Variants in MYOM2 observed in about 807,000 individuals in gnomAD.
MYOM2 encodes the protein myomesin-2.
Under a neutral mutation model 187.6 loss-of-function variants are expected in MYOM2, and 254 were observed. That is an observed-to-expected ratio of 1.35 (90% confidence interval 1.22 to 1.50). The LOEUF (loss-of-function observed/expected upper bound fraction) is 1.50, where lower values mean the gene tolerates loss of function less well. Among genes scored for constraint, MYOM2 ranks in the 40% most tolerant of loss-of-function variants. MYOM2 has a pLI of 0.00. For missense variants in MYOM2, 2,796 were observed against 1,924.0 expected (o/e 1.45, Z -8.48); for synonymous variants, 981 against 753.8 (o/e 1.30, Z -4.94).
chr8:2,109,493 C>A lies in MYOM2; in HGVS notation c.3142C>A (p.Arg1048=). 2 of 1,613,186 alleles carry A rather than the reference C, an allele frequency of 1.2e-6. No homozygotes were observed. The highest frequency in any genetic ancestry group is 1.7e-6 in the Non-Finnish European group (2 of 1,179,572). Reference sequence around the variant, plus strand: ...GCACTTATCACCAGATGCCAGCTACCGATTTATTATTAACGACAGAGAAGT... The same window carrying A: ...GCACTTATCACCAGATGCCAGCTACAGATTTATTATTAACGACAGAGAAGT... The part of the protein sequence containing the change: ...AEHLSPDASY[R]FIINDREVSD... The change falls in exon 25 of 37, where the codon CGA becomes AGA. Residue 1048 remains arginine, a synonymous_variant. Transcript: ENST00000262113.
At chr8:2,138,838 A>G (rs1798172970) in intron 32 of MYOM2, among the ~76,000 whole-genome samples, 2 of 152,126 alleles carry the variant, frequency 1.3e-5, no homozygotes, top group South Asian at 4.1e-4. Flanking sequence ...GGTGAAGCCA[A>G]TCCCACAAAA....
At chr8:2,069,633 G>C in intron 8 of MYOM2, 136 bp downstream of exon 8, 3 of 1,039,156 alleles carry the variant, frequency 2.9e-6, no homozygotes, top group Non-Finnish European at 4.4e-6. Flanking sequence ...CCAGGCTGGA[G>C]TGCAGTGGTG....
intron 10 of MYOM2, among the ~76,000 whole-genome samples, chr8:2,074,749 G>A (rs1257993117): frequency 2.0e-5 from 3 of 152,156 alleles, no homozygotes; most frequent in African/African-American, 4.8e-5. Flanking sequence ...GAGCCACCGC[G>A]CCCGGCCCCA....
In MYOM2 at chr8:2,096,268, G is replaced by C. The variant is rs747830355; in HGVS notation, c.2147G>C (p.Gly716Ala). ...GCAGCCGTCCCGTCCCATCCTTATG[G>C]GATTACGCTCCTCAACTGTGACGGC... ...AALTVPSHPY[G>A]ITLLNCDGHS... Residue 716 changes from glycine (G) to alanine (A), a missense_variant, in exon 18 of 37, where the codon GGG (glycine) becomes GCG (alanine). By Grantham distance (60) the Gly-to-Ala change is moderately conservative. Transcript: ENST00000262113. The C allele has an allele frequency of 5.6e-6, 9 of 1,614,088 alleles. No individual in the cohort carries two copies. The highest frequency in any genetic ancestry group is 1.1e-5 in the South Asian group (1 of 91,068).
intron 10 of MYOM2, 85 bp from the exon 11 acceptor site, chr8:2,076,056 G>T: frequency 7.6e-7 from 1 of 1,318,580 alleles, no homozygotes; most frequent in Non-Finnish European, 1.0e-6. Context: ...GGATAGAATT[G>T]GAGCTTGGAG....
rs529178385 is a variant in MYOM2, at chr8:2,106,346, T to C, written c.2839T>C (p.Tyr947His). 9 of 1,614,172 alleles carry C rather than the reference T, an allele frequency of 5.6e-6. No homozygotes were observed. The African/African-American group carries it at 6.7e-5, about 12-fold the overall frequency. ...DASQFTWCKS[Y>H]EEISDDERFK... ...GTCTCAGTTCACCTGGTGTAAATCCTACGAGGAGATTTCAGATGATGAGAG... is the reference window on the plus strand; with the variant it reads ...GTCTCAGTTCACCTGGTGTAAATCCCACGAGGAGATTTCAGATGATGAGAG... The change falls in exon 22 of 37, where the codon TAC becomes CAC. Residue 947 changes from tyrosine to histidine, a missense_variant. By Grantham distance (83) the Tyr-to-His change is moderately conservative. Coordinates refer to ENST00000262113, the MANE Select transcript of MYOM2 (RefSeq NM_003970.4).
At chr8:2,072,531 C>G (rs1426698913) in intron 9 of MYOM2, 22 bp downstream of exon 9, 2 of 1,604,096 alleles carry the variant, frequency 1.2e-6, no homozygotes, top group Non-Finnish European at 1.7e-6. Context: ...ACGGCCCAGA[C>G]CCGGGCACAC....
intron 3 of MYOM2, among the ~76,000 whole-genome samples, chr8:2,056,922 C>T (rs1015156168): frequency 9.9e-5 from 15 of 152,164 alleles, no homozygotes; most frequent in African/African-American, 3.6e-4. Flanking sequence ...TCTGTGCACA[C>T]GAAGATGAGT....
chr8:2,066,501 A>G (rs1387478468), intron 6 of MYOM2, among the ~76,000 whole-genome samples: 1 of 152,162 alleles, frequency 6.6e-6, no homozygotes, highest in Non-Finnish European at 1.5e-5. Flanking sequence ...AAAGAAGAAT[A>G]TATTTGGGTT....
chr8:2,051,012 T>C, intron 2 of MYOM2, 139 bp downstream of exon 2: 1 of 656,706 alleles, frequency 1.5e-6, no homozygotes, highest in Non-Finnish European at 2.7e-6. Flanking sequence ...GCCTCTCCCG[T>C]GCCCAGGTCC....
intron 32 of MYOM2, among the ~76,000 whole-genome samples, chr8:2,140,019 C>T (rs991378036): frequency 3.3e-5 from 5 of 152,130 alleles, no homozygotes; most frequent in Non-Finnish European, 1.5e-5. Context: ...CCACCCAGGA[C>T]CTTTTCATCC....
chr8:2,084,679 A>C (rs2116696340), intron 13 of MYOM2, among the ~76,000 whole-genome samples: 1 of 152,340 alleles, frequency 6.6e-6, no homozygotes, highest in Non-Finnish European at 1.5e-5. Flanking sequence ...TTATTTGCAA[A>C]AGGCTTATCA....
intron 25 of MYOM2, among the ~76,000 whole-genome samples, chr8:2,115,595 T>A (rs1354439901): frequency 6.6e-6 from 1 of 152,196 alleles, no homozygotes; most frequent in African/African-American, 2.4e-5. Flanking sequence ...CCATGTGGGA[T>A]TTTTGTCATC....
At chr8:2,068,212 C>T (rs917054644) in intron 6 of MYOM2, among the ~76,000 whole-genome samples, 2 of 151,668 alleles carry the variant, frequency 1.3e-5, no homozygotes, top group South Asian at 4.2e-4. Flanking sequence ...GACAGCTCTT[C>T]AATGCCTGTG....
At chr8:2,080,099 T>C (rs1819569276) in intron 13 of MYOM2, among the ~76,000 whole-genome samples, 1 of 152,252 alleles carries the variant, frequency 6.6e-6, no homozygotes, top group Non-Finnish European at 1.5e-5. Flanking sequence ...ATATTTCTTC[T>C]TCCTGATTTT....
intron 17 of MYOM2, among the ~76,000 whole-genome samples, 154 bp downstream of exon 17, chr8:2,094,245 G>A (rs763593053): frequency 2.6e-5 from 4 of 152,330 alleles, no homozygotes; most frequent in Middle Eastern, 6.8e-3. Flanking sequence ...AAGCCTCTCG[G>A]TTGGCTGCTT....
chr8:2,115,068 A>G (rs1797193885), intron 25 of MYOM2, among the ~76,000 whole-genome samples: 1 of 152,082 alleles, frequency 6.6e-6, no homozygotes, highest in African/African-American at 2.4e-5. Context: ...TTAAGTGAAA[A>G]AGTGAAATTT....
chr8:2,061,013 G>A (rs931459272), intron 6 of MYOM2, among the ~76,000 whole-genome samples: 1 of 152,128 alleles, frequency 6.6e-6, no homozygotes, highest in African/African-American at 2.4e-5. Context: ...CTGGCTGAAG[G>A]CAGGCTGGGG....
chr8:2,083,446 C>G, intron 13 of MYOM2, among the ~76,000 whole-genome samples: 1 of 151,762 alleles, frequency 6.6e-6, no homozygotes, highest in African/African-American at 2.4e-5. Flanking sequence ...GTGTGCTTAG[C>G]GGCATCTCGC....
Sources: allele counts gnomAD v4.1 joint callset (sites outside exome capture counted in the v4.1 genomes callset), GRCh38; gene constraint gnomAD v4.1.1; transcripts MANE v1.5; gene names NCBI Gene and HGNC (gene_info 2026-07-23, HGNC 2026-07-21).